The following GNA15 variants were observed in gnomAD, a reference collection of about 807,000 sequenced individuals.
GNA15 encodes guanine nucleotide-binding protein subunit alpha-15.
In GNA15, 23 loss-of-function variants were observed where a neutral mutation model predicts 40.1. The observed-to-expected ratio is 0.57, with a 90% CI of 0.41 to 0.81. The LOEUF is 0.81. GNA15 is among the 40% of genes least tolerant of loss of function. GNA15 has a pLI of 0.00. For missense variants in GNA15, 522 were observed against 515.8 expected (o/e 1.01, Z -0.12); for synonymous variants, 226 against 210.4 (o/e 1.07, Z -0.64).
At chr19:3,139,174 G>A (rs1914522256) in intron 1 of GNA15, among the ~76,000 whole-genome samples, 1 of 150,904 alleles carries the variant, frequency 6.6e-6, no homozygotes, top group African/African-American at 2.4e-5. Flanking sequence ...TCGAACCCCT[G>A]ACCTCAGGTG....
At chr19:3,154,236 G>A (rs375267960) in intron 4 of GNA15, among the ~76,000 whole-genome samples, 10 of 149,464 alleles carry the variant, frequency 6.7e-5, no homozygotes, top group African/African-American at 2.5e-4. Flanking sequence ...TGAATGAATG[G>A]GTAGATGGGT....
At chr19:3,144,228 G>C (rs944454762) in intron 1 of GNA15, among the ~76,000 whole-genome samples, 26 of 151,870 alleles carry the variant, frequency 1.7e-4, no homozygotes, top group African/African-American at 6.3e-4. Flanking sequence ...TCAAGGGCCA[G>C]CAAGCTCACA....
chr19:3,153,440 AGATG>A (rs1385083866), intron 4 of GNA15, among the ~76,000 whole-genome samples: 1 of 150,300 alleles, frequency 6.7e-6, no homozygotes, highest in Non-Finnish European at 1.5e-5. Flanking sequence ...ATGGATGGAT[AGATG>A]GATGGATTGA....
At chr19:3,160,368 T>C (rs2144864656) in intron 6 of GNA15, among the ~76,000 whole-genome samples, 1 of 152,316 alleles carries the variant, frequency 6.6e-6, no homozygotes, top group Middle Eastern at 3.4e-3. Flanking sequence ...TGGGGCCTCA[T>C]GATCCACAGC....
intron 4 of GNA15, among the ~76,000 whole-genome samples, chr19:3,152,607 G>C (rs1914905488): frequency 6.6e-6 from 1 of 152,100 alleles, no homozygotes; most frequent in Admixed American, 6.6e-5. Context: ...CAATGTCAAA[G>C]GTCAGGAAAG....
intron 1 of GNA15, among the ~76,000 whole-genome samples, chr19:3,144,119 C>A (rs1914640843): frequency 7.3e-6 from 1 of 137,156 alleles, no homozygotes; most frequent in Non-Finnish European, 1.6e-5. Flanking sequence ...GCAAGAAAGA[C>A]TCCCTCTCAA....
chr19:3,153,482 A>G, intron 4 of GNA15, among the ~76,000 whole-genome samples: 1 of 150,550 alleles, frequency 6.6e-6, no homozygotes, highest in Non-Finnish European at 1.5e-5. Flanking sequence ...GGATGGATGG[A>G]TGGATGGTTA....
intron 1 of GNA15, among the ~76,000 whole-genome samples, chr19:3,139,581 C>A: frequency 8.3e-6 from 1 of 121,084 alleles, no homozygotes; most frequent in African/African-American, 3.3e-5. Flanking sequence ...GGTGACAGAG[C>A]AAAGCTGACT....
chr19:3,143,699 T>G (rs1239858503), intron 1 of GNA15, among the ~76,000 whole-genome samples: 1 of 151,844 alleles, frequency 6.6e-6, no homozygotes. Flanking sequence ...GGCTCTAGAC[T>G]CAAACAGAAC....
intron 4 of GNA15, among the ~76,000 whole-genome samples, chr19:3,154,200 G>T (rs1181098859): frequency 1.4e-5 from 2 of 148,078 alleles, no homozygotes; most frequent in Non-Finnish European, 3.0e-5. Flanking sequence ...TGGGTGGATG[G>T]ATGGGTGGAT....
At chr19:3,156,520 A>G (rs543050767) in intron 5 of GNA15, among the ~76,000 whole-genome samples, 68 of 152,202 alleles carry the variant, frequency 4.5e-4, no homozygotes, top group African/African-American at 1.6e-3. Flanking sequence ...GCACACACAC[A>G]TGCACGCACA....
rs747846070 is a variant in GNA15, at chr19:3,148,587, C to T, written c.146-4C>T. Reference sequence around the variant, plus strand: ...GCTGAGCGGTTCTGCTGCTCCATCCCCAGGCCCAGGCGAGAGCGGGAAGAG... The same window carrying T: ...GCTGAGCGGTTCTGCTGCTCCATCCTCAGGCCCAGGCGAGAGCGGGAAGAG... On this transcript the variant is annotated splice_region_variant and splice_polypyrimidine_tract_variant and intron_variant, in intron 1 of 6. Coordinates refer to ENST00000262958, the MANE Select transcript of GNA15 (RefSeq NM_002068.4). 3.8e-6 allele frequency: 6 copies of T among 1,567,464 alleles called. No individual in the cohort carries two copies. Among genetic ancestry groups the T allele is most frequent in the Middle Eastern group, 1.9e-4 (1 of 5,330 alleles).
chr19:3,149,120 C>G (rs528652644), intron 2 of GNA15: 2 of 265,620 alleles, frequency 7.5e-6, no homozygotes, highest in Non-Finnish European at 1.5e-5. Flanking sequence ...CACACGTGCA[C>G]ACGTGTGCAC....
Position 3,136,720 on chromosome 19 carries a change from C to G in GNA15, c.145+125C>G. On this transcript the variant is annotated intron_variant, in intron 1 of 6. Coordinates refer to ENST00000262958, the MANE Select transcript of GNA15 (RefSeq NM_002068.4). This position sits in a 1 kb window ranked among gnomAD's most constrained non-coding sequence, Gnocchi z 4.9. ...TGGCATCGTGGAGCCGTCGCCTCCTCCCAGGGAATGGGGAGCCTGGAACCC... is the reference window on the plus strand; with the variant it reads ...TGGCATCGTGGAGCCGTCGCCTCCTGCCAGGGAATGGGGAGCCTGGAACCC... The G allele has an allele frequency of 1.2e-6, 1 of 847,324 alleles. No individual in the cohort carries two copies. 52.5% of individuals were successfully genotyped at this position (847,324 alleles called of 1,614,324 possible).
At position 3,156,468 on chromosome 19, in the gene GNA15, G is replaced by GCA. The variant is rs200170743; in HGVS notation, c.744+524_744+525dup. Among the ~76,000 whole-genome samples, 7 of 139,672 alleles carry GCA rather than the reference G, an allele frequency of 5.0e-5. No individual in the cohort carries two copies. In the South Asian group the frequency reaches 1.4e-3, roughly 28 times the overall value. 91.6% of individuals were successfully genotyped at this position (139,672 alleles called of 152,430 possible). On this transcript the variant is annotated intron_variant, in intron 5 of 6. Coordinates refer to ENST00000262958, the MANE Select transcript of GNA15 (RefSeq NM_002068.4). ...TACACACATGCACACGCACACACAG[G>GCA]CACACACACGCACACACAGGCACAC...
chr19:3,140,059 C>CTATCTATCTATCTATG (rs1914545561), intron 1 of GNA15, among the ~76,000 whole-genome samples: 6 of 151,100 alleles, frequency 4.0e-5, no homozygotes, highest in Admixed American at 6.6e-5. Context: ...ATCTATCTAT[C>CTATCTATCTATCTATG]TATCTATCTA....
At position 3,162,894 on chromosome 19, in the gene GNA15, G is replaced by C. The variant is rs747491972; in HGVS notation, c.1000G>C (p.Ala334Pro). Residue 334 changes from alanine to proline, a missense_variant, in exon 7 of 7, where the codon GCA (alanine) becomes CCA (proline). Coordinates refer to ENST00000262958, the MANE Select transcript of GNA15 (RefSeq NM_002068.4). ...VDGPEGSKKG[A>P]RSRRLFSHYT... ...CGGCCCCGAGGGCAGCAAGAAGGGC[G>C]CACGATCCCGACGCCTCTTCAGCCA... is the stretch of plus-strand genomic sequence containing the variant. 3.7e-6 allele frequency: 6 copies of C among 1,613,412 alleles called. No individual in the cohort carries two copies. The highest frequency in any genetic ancestry group is 5.1e-6 in the Non-Finnish European group (6 of 1,179,518).
chr19:3,143,508 C>T (rs1240057128), intron 1 of GNA15, among the ~76,000 whole-genome samples: 4 of 151,928 alleles, frequency 2.6e-5, no homozygotes, highest in South Asian at 2.1e-4. Flanking sequence ...AAAAATTAGC[C>T]GGACACGGTG....
intron 1 of GNA15, among the ~76,000 whole-genome samples, chr19:3,142,745 G>A (rs1914607125): frequency 6.6e-6 from 1 of 152,068 alleles, no homozygotes; most frequent in Admixed American, 6.6e-5. Flanking sequence ...GGTGGTGCAC[G>A]CCTCTAATCC....
Sources: gnomAD v4.1 joint callset for allele counts (sites outside exome capture counted in the v4.1 genomes callset) on GRCh38, gnomAD v4.1.1 for gene constraint, Gnocchi (gnomAD v3.1) non-coding constraint, MANE v1.5 for transcripts, NCBI Gene and HGNC (gene_info 2026-07-23, HGNC 2026-07-21) for gene names.